Variants in STXBP2 observed in about 807,000 individuals in gnomAD.
STXBP2 encodes the protein syntaxin-binding protein 2.
Under a neutral mutation model 72.2 loss-of-function variants are expected in STXBP2, and 47 were observed. The ratio of observed to expected loss-of-function variants is 0.65; its 90% CI spans 0.51 to 0.83. The LOEUF is 0.83. Among genes scored for constraint, STXBP2 ranks in the 40% least tolerant of loss-of-function variants. STXBP2 has a pLI of 0.00. For missense variants in STXBP2, 702 were observed against 807.6 expected, an observed-to-expected ratio of 0.87 and a Z score of 1.58; for synonymous variants, 367 against 338.7, an observed-to-expected ratio of 1.08 and a Z score of -0.92.
intron 14 of STXBP2, 193 bp downstream of exon 14, chr19:7,644,945 C>T (rs1170523449): frequency 4.8e-6 from 7 of 1,451,274 alleles, no homozygotes; most frequent in South Asian, 4.3e-5. Flanking sequence ...GTGAGGGCTC[C>T]CTGCTAACGT....
intron 15 of STXBP2, chr19:7,645,858 C>G: frequency 5.5e-6 from 2 of 363,126 alleles, no homozygotes; most frequent in Non-Finnish European, 1.0e-5. Context: ...CTCTGCCTTC[C>G]CCTTTCTCTC....
At chr19:7,630,490 A>T in the STXBP2 span, 1 of 1,125,024 alleles carries the variant, frequency 8.9e-7, no homozygotes, top group Admixed American at 2.0e-5. Flanking sequence ...TGGACTCTGC[A>T]GTAGGATGGG....
At chr19:7,631,960 T>G, upstream of STXBP2, 1 of 809,096 alleles carries the variant, frequency 1.2e-6, no homozygotes, top group South Asian at 4.0e-5. Context: ...CCATTTAGGG[T>G]GGCATTTGAG....
Position 7,645,302 on chromosome 19 carries a change from C to T in STXBP2, c.1352C>T (p.Pro451Leu), listed in dbSNP as rs1186845437. 2 of 1,580,648 alleles carry T rather than the reference C, an allele frequency of 1.3e-6. No individual in the cohort carries two copies. The highest frequency in any genetic ancestry group is 1.2e-5 in the South Asian group (1 of 86,768). The change falls in exon 15 of 19, where the codon CCC becomes CTC. Residue 451 changes from proline (P) to leucine (L), a missense_variant. Coordinates refer to ENST00000221283, the MANE Select transcript of STXBP2 (RefSeq NM_006949.4). Reference protein sequence around the residue: ...LEQLGGTVTNPGGSGTSSRLE... With the variant: ...LEQLGGTVTNLGGSGTSSRLE... ...CAGCTGGGAGGCACTGTCACCAACC[C>T]CGGGGTACGCCAGGAGCGGGCATGG...
upstream of STXBP2, chr19:7,632,711 C>G (rs759102290): frequency 2.1e-5 from 32 of 1,555,356 alleles, no homozygotes; most frequent in Non-Finnish European, 2.8e-5. The surrounding 1 kb of genome is among the most constrained non-coding windows in gnomAD (Gnocchi z 5.2). Flanking sequence ...CGTGCCCATG[C>G]TCACGGCTCT....
the STXBP2 span, chr19:7,631,513 G>A: frequency 3.9e-6 from 6 of 1,536,220 alleles, no homozygotes; most frequent in Admixed American, 3.9e-5. Context: ...TTACGGAAGC[G>A]GCGGGAGGAG....
At chr19:7,630,750 T>A in the STXBP2 span, 11,892 of 1,535,684 alleles carry the variant, frequency 7.7e-3, 632 homozygotes, top group Admixed American at 0.14. Context: ...CTGCCTCCCA[T>A]AAGCCGACCC....
upstream of STXBP2, chr19:7,633,436 T>A (rs750817165): frequency 5.1e-6 from 8 of 1,576,576 alleles, no homozygotes; most frequent in African/African-American, 1.4e-5. Context: ...CCTTCCTCCG[T>A]CTTCTCCTCC....
the STXBP2 span, chr19:7,631,070 T>C: frequency 1.1e-5 from 8 of 736,556 alleles, no homozygotes; most frequent in Admixed American, 2.1e-4. Context: ...TAGCCAGGCA[T>C]GGTGGCAGGC....
At chr19:7,644,186 C>CCTGGGTGAGGGGTGGAACCTT (rs1568469471) in intron 13 of STXBP2, among the ~76,000 whole-genome samples, 25 of 37,386 alleles carry the variant, frequency 6.7e-4, no homozygotes, top group Admixed American at 3.5e-3. Flanking sequence ...GGTGGAGCCT[C>CCTGGGTGAGGGGTGGAACCTT]GGAGAGGTGG....
chr19:7,634,846 G>A (rs918433934), upstream of STXBP2, among the ~76,000 whole-genome samples: 1 of 152,146 alleles, frequency 6.6e-6, no homozygotes, highest in East Asian at 1.9e-4. Flanking sequence ...TGTCACTGCA[G>A]CTCTTCACTC....
At chr19:7,645,833 C>T (rs916954417) in intron 15 of STXBP2, 1 of 328,222 alleles carries the variant, frequency 3.0e-6, no homozygotes, top group Non-Finnish European at 5.7e-6. Context: ...CCATATCTCT[C>T]TCTCTCACCC....
chr19:7,643,064 C>T lies in STXBP2; in HGVS notation c.1026+16C>T, dbSNP rs1455244038. ...GCTGAATAAGGTGTGCTCGGGTGGGCAGGGAGCGGGGACACCTCGGCCCCT... is the reference window on the plus strand; with the variant it reads ...GCTGAATAAGGTGTGCTCGGGTGGGTAGGGAGCGGGGACACCTCGGCCCCT... On this transcript the variant is annotated intron_variant, in intron 12 of 18. Coordinates refer to ENST00000221283, the MANE Select transcript of STXBP2 (RefSeq NM_006949.4). The T allele has an allele frequency of 3.7e-6, 6 of 1,614,168 alleles. No homozygotes were observed. The highest frequency in any genetic ancestry group is 2.7e-5 in the African/African-American group (2 of 75,050).
At chr19:7,645,138 C>A (rs908392658) in intron 14 of STXBP2, 59 bp from the exon 15 acceptor site, 2 of 1,532,470 alleles carry the variant, frequency 1.3e-6, no homozygotes, top group African/African-American at 2.8e-5. Context: ...CCCCAAACTC[C>A]CCTAAACCTG....
Position 7,647,334 on chromosome 19 carries a change from T to C in STXBP2, c.1539-20T>C, listed in dbSNP as rs779245767. On this transcript the variant is annotated intron_variant, in intron 17 of 18. Coordinates refer to ENST00000221283, the MANE Select transcript of STXBP2 (RefSeq NM_006949.4). Reference sequence around the variant, plus strand: ...CGGTGAGGGCCTCCTGCCTGGACTTTCTGCCCCTGCCCTGCACAGTGCCCG... The same window carrying C: ...CGGTGAGGGCCTCCTGCCTGGACTTCCTGCCCCTGCCCTGCACAGTGCCCG... 2.0e-5 allele frequency: 33 copies of C among 1,612,814 alleles called. No homozygotes were observed. The highest frequency in any genetic ancestry group is 5.0e-5 in the Admixed American group (3 of 60,034).
chr19:7,636,524 C>G (rs1405733751), upstream of STXBP2: 1 of 150,272 alleles, frequency 6.7e-6, no homozygotes, highest in African/African-American at 2.5e-5. Flanking sequence ...TGGCTTGAAC[C>G]CAGCAGGCTC....
Position 7,640,322 on chromosome 19 carries a change from GTGCGTGTGTA to G in STXBP2, c.247-399_247-390del, listed in dbSNP as rs1293981008. The G allele has an allele frequency of 1.4e-5, 8 of 560,746 alleles. No individual in the cohort carries two copies. In the East Asian group the frequency reaches 1.6e-4, roughly 11 times the overall value. The allele number at this position is 560,746 out of a possible 1,614,324, so 34.7% of individuals were successfully genotyped here. On this transcript the variant is annotated intron_variant, in intron 4 of 18. Coordinates refer to ENST00000221283, the MANE Select transcript of STXBP2 (RefSeq NM_006949.4). ...TCTATGTATGTGTGTGCATCTGTGT[GTGCGTGTGTA>G]TGCGTGTGTGTATGCGTCTGTGCAT...
chr19:7,645,284 G>T lies in STXBP2; in HGVS notation c.1334G>T (p.Gly445Val), dbSNP rs2032087931. The change falls in exon 15 of 19, where the codon GGA becomes GTA. Residue 445 changes from glycine (G) to valine (V), a missense_variant. Transcript: ENST00000221283. The stretch of plus-strand genomic sequence containing the variant: ...CTCATCCGTAACCTGGAGCAGCTGG[G>T]AGGCACTGTCACCAACCCCGGGGTA... ...SSLIRNLEQL[G>V]GTVTNPGGSG... The T allele has an allele frequency of 6.3e-7, 1 of 1,587,040 alleles. No individual in the cohort carries two copies. The highest frequency in any genetic ancestry group is 8.6e-7 in the Non-Finnish European group (1 of 1,165,690).
At chr19:7,630,960 A>G in the STXBP2 span, 2 of 1,325,998 alleles carry the variant, frequency 1.5e-6, no homozygotes. Flanking sequence ...TTGTAATCCC[A>G]GGGCATGGGA....
Sources: allele counts gnomAD v4.1 joint callset (sites outside exome capture counted in the v4.1 genomes callset), GRCh38; gene constraint gnomAD v4.1.1; non-coding constraint Gnocchi (gnomAD v3.1); transcripts MANE v1.5; gene names NCBI Gene and HGNC (gene_info 2026-07-23, HGNC 2026-07-21).